The following CUBN variants were observed in gnomAD, a reference collection of about 807,000 sequenced individuals.
CUBN encodes 460 kDa receptor.
In CUBN, 282 loss-of-function variants were observed where a neutral mutation model predicts 405.3. The ratio of observed to expected loss-of-function variants is 0.70; its 90% confidence interval spans 0.63 to 0.77. The LOEUF (loss-of-function observed/expected upper bound fraction) is 0.77. CUBN is among the 30% of genes least tolerant of loss of function. The probability of loss-of-function intolerance (pLI) is 0.00; values close to 1 mark genes in which losing one functional copy is unlikely to be tolerated. For missense variants in CUBN, 4,514 were observed against 4,475.2 expected, an observed-to-expected ratio of 1.01 and a Z score of -0.25; for synonymous variants, 1,684 against 1,617.0, an observed-to-expected ratio of 1.04 and a Z score of -0.99.
rs1840839448 is a variant in CUBN at position 16,886,981 on chromosome 10, T to G, written c.8905+1436A>C. ...TTTTGTATTTTTAACAGGGACAGGG[T>G]TTCTCCATGTTGGTCAGGCTGGTCT... is the stretch of plus-strand genomic sequence containing the variant. On this transcript the variant is annotated intron_variant, in intron 56 of 66. Coordinates refer to ENST00000377833, the MANE Select transcript of CUBN (RefSeq NM_001081.4). Among the ~76,000 whole-genome samples the G allele has an allele frequency of 2.6e-5, 4 of 152,132 alleles. No homozygotes were observed. In the South Asian group the frequency reaches 8.3e-4, roughly 32 times the overall value.
intron 28 of CUBN, among the ~76,000 whole-genome samples, chr10:17,016,012 T>C (rs1259920773): frequency 6.6e-6 from 1 of 152,198 alleles, no homozygotes; most frequent in Non-Finnish European, 1.5e-5. Flanking sequence ...GGTTTAATAA[T>C]GCCTCCAGAT....
At chr10:17,109,521 T>C in intron 10 of CUBN, 119 bp downstream of exon 10, 2 of 803,346 alleles carry the variant, frequency 2.5e-6, no homozygotes, top group Non-Finnish European at 4.3e-6. Context: ...TGGATTAATT[T>C]TAGGTTTGAA....
At chr10:17,116,213 C>G (rs71491133) in intron 6 of CUBN, among the ~76,000 whole-genome samples, 1 of 152,160 alleles carries the variant, frequency 6.6e-6, no homozygotes, top group Non-Finnish European at 1.5e-5. Context: ...TTACACTATG[C>G]GTAAGCTAGC....
At chr10:17,023,489 C>T (rs904345899) in intron 27 of CUBN, 47 of 385,696 alleles carry the variant, frequency 1.2e-4, no homozygotes, top group South Asian at 6.4e-4. Context: ...TTCATTCCCG[C>T]GCAAATTGAC....
intron 66 of CUBN, 152 bp downstream of exon 66, chr10:16,828,653 G>T (rs1206968370): frequency 3.0e-6 from 2 of 673,764 alleles, no homozygotes; most frequent in Admixed American, 4.5e-5. Flanking sequence ...AGGAGGCGGA[G>T]GTTGCAGTGA....
At chr10:16,974,907 T>C (rs60214638) in intron 31 of CUBN, among the ~76,000 whole-genome samples, 18,338 of 152,266 alleles carry the variant, frequency 0.12, 1,786 homozygotes, top group African/African-American at 0.27. Context: ...TTTTATTTTC[T>C]CTAGCTTACT....
chr10:17,113,036 C>T (rs750646073), intron 8 of CUBN, among the ~76,000 whole-genome samples: 2 of 152,142 alleles, frequency 1.3e-5, no homozygotes, highest in African/African-American at 4.8e-5. Context: ...GAGGCCAGGG[C>T]AGGCAGATCA....
At chr10:17,029,917 A>G (rs1194522768) in intron 27 of CUBN, among the ~76,000 whole-genome samples, 2 of 152,236 alleles carry the variant, frequency 1.3e-5, no homozygotes, top group Non-Finnish European at 2.9e-5. Context: ...GTTAATTACA[A>G]CTGGGAAGGC....
rs112113856 is a variant in CUBN, at chr10:17,113,886, G to A, written c.883+141C>T. On this transcript the variant is annotated intron_variant, in intron 8 of 66. Transcript: ENST00000377833. ...GTGGAATTGTGATAGCAGTGAGATC[G>A]TCGAGCAGAACCAGGACACAAAACT... 5.9e-3 allele frequency: 4,947 copies of A among 834,422 alleles called. 149 individuals carry two copies. The African/African-American group carries it at 0.068, about 11-fold the overall frequency. The allele number at this position is 834,422 out of a possible 1,614,324, so 51.7% of individuals were successfully genotyped here. A position where few individuals can be genotyped will look rare whatever the true frequency, so the allele number is the denominator to read the frequency against.
intron 21 of CUBN, among the ~76,000 whole-genome samples, chr10:17,067,599 C>G (rs1835638640): frequency 6.6e-6 from 1 of 152,048 alleles, no homozygotes; most frequent in African/African-American, 2.4e-5. Flanking sequence ...GAACCAGTGG[C>G]CAAGAATGTT....
At chr10:16,908,992 C>T (rs1841642207) in intron 48 of CUBN, among the ~76,000 whole-genome samples, 2 of 150,794 alleles carry the variant, frequency 1.3e-5, no homozygotes, top group South Asian at 2.1e-4. Context: ...ACGCCATTCT[C>T]CTGCCTCAGC....
At chr10:16,828,704 A>C in intron 66 of CUBN, 101 bp downstream of exon 66, 1 of 931,416 alleles carries the variant, frequency 1.1e-6, no homozygotes, top group Non-Finnish European at 1.7e-6. Flanking sequence ...CCTGGGTGAC[A>C]AGAGCGAGAT....
intron 60 of CUBN, among the ~76,000 whole-genome samples, chr10:16,843,350 G>A (rs774191208): frequency 5.3e-5 from 8 of 152,110 alleles, no homozygotes; most frequent in Admixed American, 3.9e-4. Flanking sequence ...TGTGTTCAAG[G>A]CCTCAGAACA....
chr10:17,047,234 G>T (rs1348592393), intron 23 of CUBN, among the ~76,000 whole-genome samples, 180 bp downstream of exon 23: 1 of 152,092 alleles, frequency 6.6e-6, no homozygotes, highest in Non-Finnish European at 1.5e-5. Flanking sequence ...AGAATCTTAT[G>T]CAATTCCTGT....
rs12220473 is a variant in CUBN at position 16,890,203 on chromosome 10, G to C, written c.8755+168C>G. 0.055 allele frequency among the ~76,000 whole-genome samples: 8,375 copies of C among 152,102 alleles called. 796 individuals are homozygous for C. Among genetic ancestry groups the C allele is most frequent in the East Asian group, 0.33 (1,702 of 5,138 alleles). On this transcript the variant is annotated intron_variant, in intron 55 of 66. Transcript: ENST00000377833. ...TTATATCACTTCTCAATTCAGTTCT[G>C]TTCTCACTGCTATTTGGAAGAAAGG...
At chr10:16,996,528 G>A (rs2131729412) in intron 28 of CUBN, among the ~76,000 whole-genome samples, 1 of 152,196 alleles carries the variant, frequency 6.6e-6, no homozygotes, top group Admixed American at 6.5e-5. Context: ...TTTGGTTTTT[G>A]TCCAAAACAA....
At chr10:17,050,254 A>C (rs1039440353) in intron 22 of CUBN, among the ~76,000 whole-genome samples, 1 of 152,154 alleles carries the variant, frequency 6.6e-6, no homozygotes, top group Non-Finnish European at 1.5e-5. Context: ...GCTCTCCTTA[A>C]GAACTGTAAA....
At chr10:17,008,266 TG>T (rs1554809170) in intron 28 of CUBN, among the ~76,000 whole-genome samples, 1 of 143,272 alleles carries the variant, frequency 7.0e-6, no homozygotes, top group African/African-American at 2.6e-5. Flanking sequence ...TGTGTGTGTG[TG>T]GTGTGTCTCT....
At chr10:16,903,557 C>A (rs193181539) in intron 51 of CUBN, among the ~76,000 whole-genome samples, 47 of 150,664 alleles carry the variant, frequency 3.1e-4, no homozygotes, top group Admixed American at 2.4e-3. Flanking sequence ...ATAGCTAGAT[C>A]TTTGGACTAA....
Sources: gnomAD v4.1 joint callset for allele counts (sites outside exome capture counted in the v4.1 genomes callset) on GRCh38, gnomAD v4.1.1 for gene constraint, MANE v1.5 for transcripts, NCBI Gene and HGNC (gene_info 2026-07-23, HGNC 2026-07-21) for gene names.